EYS: variants seen among roughly 807,000 people sequenced by gnomAD.
The protein encoded by EYS is protein eyes shut homolog.
A neutral mutation model predicts 282.1 loss-of-function variants in EYS; 250 were observed. That is an observed-to-expected ratio of 0.89 (90% CI 0.80 to 0.98). The LOEUF is 0.98. Among genes scored for constraint, EYS ranks in the 50% least tolerant of loss-of-function variants. The pLI, the probability that EYS is intolerant of heterozygous loss-of-function variation, is 0.00. For synonymous variants in EYS, 1,355 were observed against 1,282.9 expected (o/e 1.06, Z -1.20); for missense variants, 4,016 against 3,709.0 (o/e 1.08, Z -2.15).
chr6:65,508,514 A>G (rs373562258), intron 2 of EYS, among the ~76,000 whole-genome samples: 1 of 151,886 alleles, frequency 6.6e-6, no homozygotes, highest in Non-Finnish European at 1.5e-5. Context: ...TCTACTAAAA[A>G]ATATAAAAAA....
chr6:65,590,865 T>TG (rs1334519538), intron 2 of EYS, among the ~76,000 whole-genome samples: 1 of 152,050 alleles, frequency 6.6e-6, no homozygotes, highest in Non-Finnish European at 1.5e-5. Context: ...ACTTTTTTTT[T>TG]TTATCCATTC....
At chr6:65,286,269 A>G (rs1000144105) in intron 12 of EYS, among the ~76,000 whole-genome samples, 12 of 151,772 alleles carry the variant, frequency 7.9e-5, no homozygotes, top group African/African-American at 2.7e-4. Context: ...TTTATACATT[A>G]TCTCAATCTC....
intron 14 of EYS, among the ~76,000 whole-genome samples, chr6:64,962,854 G>C: frequency 6.6e-6 from 1 of 152,210 alleles, no homozygotes; most frequent in South Asian, 2.1e-4. Flanking sequence ...AAATGATTTA[G>C]GTGGTATAAA....
intron 29 of EYS, among the ~76,000 whole-genome samples, chr6:64,311,135 G>A (rs1769683970): frequency 6.6e-6 from 1 of 151,930 alleles, no homozygotes; most frequent in Non-Finnish European, 1.5e-5. Flanking sequence ...CTCAAGTACT[G>A]AGCCTTAATA....
chr6:65,506,910 C>T (rs901101415), intron 2 of EYS, among the ~76,000 whole-genome samples: 2 of 152,112 alleles, frequency 1.3e-5, no homozygotes, highest in African/African-American at 4.8e-5. Context: ...TTTCACCTAT[C>T]CATAGGCTAC....
intron 12 of EYS, among the ~76,000 whole-genome samples, chr6:65,141,590 T>G (rs1288832038): frequency 6.6e-6 from 1 of 151,946 alleles, no homozygotes; most frequent in Non-Finnish European, 1.5e-5. Context: ...TCTAAATAAA[T>G]CCAAACACAC....
At chr6:65,397,673 C>A (rs558927024) in intron 7 of EYS, among the ~76,000 whole-genome samples, 1 of 150,482 alleles carries the variant, frequency 6.6e-6, no homozygotes, top group East Asian at 2.0e-4. Flanking sequence ...GACACTTAGG[C>A]TGATTCCATG....
chr6:64,576,270 C>A (rs547812365), intron 26 of EYS, among the ~76,000 whole-genome samples: 3 of 152,120 alleles, frequency 2.0e-5, no homozygotes, highest in South Asian at 4.1e-4. Context: ...GCGATCAGTG[C>A]GTTTCCTACT....
intron 22 of EYS, among the ~76,000 whole-genome samples, chr6:64,764,670 T>G (rs1482114901): frequency 6.6e-6 from 1 of 152,180 alleles, no homozygotes; most frequent in Admixed American, 6.5e-5. Context: ...GGAAATGGGG[T>G]TTTCTTTTCT....
intron 12 of EYS, among the ~76,000 whole-genome samples, chr6:65,242,225 T>C (rs945452805): frequency 1.3e-5 from 2 of 152,106 alleles, no homozygotes; most frequent in Non-Finnish European, 1.5e-5. Flanking sequence ...GCAACCATCA[T>C]CACAAATCTA....
intron 26 of EYS, among the ~76,000 whole-genome samples, chr6:64,448,754 G>A (rs1279896022): frequency 6.6e-6 from 1 of 152,200 alleles, no homozygotes; most frequent in African/African-American, 2.4e-5. Context: ...AGGGTCTGGA[G>A]TGGACCTCCA....
intron 28 of EYS, among the ~76,000 whole-genome samples, chr6:64,394,986 C>T (rs553612999): frequency 2.0e-5 from 3 of 152,290 alleles, no homozygotes; most frequent in Admixed American, 2.0e-4. Flanking sequence ...TGAACAGACA[C>T]TTCTCGAAAG....
chr6:65,177,354 C>G (rs905795252), intron 12 of EYS, among the ~76,000 whole-genome samples: 5 of 151,712 alleles, frequency 3.3e-5, no homozygotes, highest in African/African-American at 7.3e-5. Context: ...ATGGCATATA[C>G]CCTCCGAAAT....
At chr6:64,881,749 A>G (rs1051359015) in intron 19 of EYS, among the ~76,000 whole-genome samples, 1 of 151,818 alleles carries the variant, frequency 6.6e-6, no homozygotes, top group Non-Finnish European at 1.5e-5. Flanking sequence ...GATATTGGCT[A>G]TTAAAATTTG....
chr6:63,827,255 G>C lies in EYS; in HGVS notation c.7229-20883C>G, dbSNP rs149059184. On this transcript the variant is annotated intron_variant, in intron 36 of 42. Coordinates refer to ENST00000503581, the MANE Select transcript of EYS (RefSeq NM_001142800.2). ...CTAAACACATACGCACCTAACACTG[G>C]AGCTCCCAAATTTATAAAACAATTA... is the stretch of plus-strand genomic sequence containing the variant. Among the ~76,000 whole-genome samples the C allele has an allele frequency of 5.1e-4, 78 of 152,186 alleles. 1 individual carries two copies. In the East Asian group the frequency reaches 7.0e-3, roughly 14 times the overall value.
At chr6:64,437,781 G>A (rs1774802926) in intron 27 of EYS, among the ~76,000 whole-genome samples, 1 of 150,454 alleles carries the variant, frequency 6.6e-6, no homozygotes, top group African/African-American at 2.4e-5. Flanking sequence ...AGGCAGGAGT[G>A]CCATGGTGCT....
At chr6:64,140,843 A>G (rs1414406723) in intron 31 of EYS, among the ~76,000 whole-genome samples, 1 of 152,056 alleles carries the variant, frequency 6.6e-6, no homozygotes, top group Non-Finnish European at 1.5e-5. Context: ...TACAGTCCTA[A>G]ATACTCCTTC....
chr6:63,785,783 C>T (rs6933866), intron 39 of EYS, among the ~76,000 whole-genome samples: 11 of 151,980 alleles, frequency 7.2e-5, no homozygotes, highest in Admixed American at 1.3e-4. Flanking sequence ...CCGAGGCAGG[C>T]GGATGGCTTG....
At chr6:65,191,785 C>T (rs1276974886) in intron 12 of EYS, among the ~76,000 whole-genome samples, 1 of 151,828 alleles carries the variant, frequency 6.6e-6, no homozygotes, top group Non-Finnish European at 1.5e-5. Context: ...CCCTTCAATA[C>T]AGCATGTATG....
Sources: gnomAD v4.1 joint callset for allele counts (sites outside exome capture counted in the v4.1 genomes callset) on GRCh38, gnomAD v4.1.1 for gene constraint, MANE v1.5 for transcripts, NCBI Gene and HGNC (gene_info 2026-07-23, HGNC 2026-07-21) for gene names.